Variants in SORCS3 observed in about 807,000 individuals in gnomAD.
SORCS3 encodes the protein sortilin related VPS10 domain containing receptor 3.
Under a neutral mutation model 146.3 loss-of-function variants are expected in SORCS3, and 57 were observed. The observed-to-expected ratio is 0.39, with a 90% CI of 0.31 to 0.49. SORCS3 has a LOEUF of 0.49. Ranked by LOEUF, SORCS3 falls within the 20% of genes least tolerant of loss-of-function variation. The pLI is 0.92. For synonymous variants in SORCS3, 653 were observed against 618.5 expected, an observed-to-expected ratio of 1.06 and a Z score of -0.83; for missense variants, 1,341 against 1,575.5, an observed-to-expected ratio of 0.85 and a Z score of 2.52.
intron 3 of SORCS3, among the ~76,000 whole-genome samples, chr10:104,929,250 A>G (rs7096189): frequency 0.28 from 43,029 of 152,034 alleles, 7,994 homozygotes; most frequent in African/African-American, 0.53. Context: ...CATAATGTAT[A>G]TAGAATACCT....
chr10:105,104,596 C>T (rs568786746), intron 6 of SORCS3, among the ~76,000 whole-genome samples: 1 of 152,268 alleles, frequency 6.6e-6, no homozygotes, highest in East Asian at 1.9e-4. Flanking sequence ...TGAATGCATT[C>T]TTGTTGTAAA....
intron 1 of SORCS3, among the ~76,000 whole-genome samples, chr10:104,657,030 C>T (rs2015640667): frequency 6.6e-6 from 1 of 152,184 alleles, no homozygotes; most frequent in African/African-American, 2.4e-5. Context: ...GGCCTTGTGA[C>T]TTGCTTTGGC....
chr10:104,676,595 T>C (rs1487652822), intron 1 of SORCS3, among the ~76,000 whole-genome samples: 2 of 152,174 alleles, frequency 1.3e-5, no homozygotes, highest in East Asian at 3.9e-4. Context: ...TGATAGGACA[T>C]AGGGCTAGTG....
chr10:104,910,417 G>T (rs61054269), intron 2 of SORCS3, among the ~76,000 whole-genome samples: 1 of 151,970 alleles, frequency 6.6e-6, no homozygotes, highest in East Asian at 1.9e-4. Flanking sequence ...GTTTATAATA[G>T]CAAATTAAAA....
chr10:104,839,753 A>G (rs2018115833), intron 1 of SORCS3, among the ~76,000 whole-genome samples: 1 of 152,248 alleles, frequency 6.6e-6, no homozygotes, highest in Admixed American at 6.5e-5. Flanking sequence ...TTCTCCAAGA[A>G]GCAGACGTAA....
At chr10:104,746,473 T>A (rs1388194730) in intron 1 of SORCS3, among the ~76,000 whole-genome samples, 1 of 152,258 alleles carries the variant, frequency 6.6e-6, no homozygotes, top group African/African-American at 2.4e-5. Flanking sequence ...ATAAGGCTAA[T>A]GAACAAATCC....
rs1487053774 is a variant in SORCS3, at chr10:105,091,443, G to GTTCC, written c.1093+1614_1093+1617dup. Among the ~76,000 whole-genome samples the GTTCC allele has an allele frequency of 1.7e-3, 8 of 4,604 alleles. 1 individual carries two copies. The highest frequency in any genetic ancestry group is 7.9e-3 in the African/African-American group (7 of 882). The allele number at this position is 4,604 out of a possible 152,430, so 3.0% of individuals were successfully genotyped here. On this transcript the variant is annotated intron_variant, in intron 6 of 26. Coordinates refer to ENST00000369701, the MANE Select transcript of SORCS3 (RefSeq NM_014978.3). The stretch of plus-strand genomic sequence containing the variant: ...CCTTCCCTCCTTCCTTCCTTCCTTC[G>GTTCC]TTCCTTCCTTCCTCCCTCCCTCCCT...
At chr10:104,736,834 G>A (rs1326897178) in intron 1 of SORCS3, among the ~76,000 whole-genome samples, 1 of 151,132 alleles carries the variant, frequency 6.6e-6, no homozygotes, top group East Asian at 1.9e-4. Context: ...ACAATGTGCA[G>A]GTTAGTTACA....
At chr10:105,166,392 A>G (rs1026177032) in intron 12 of SORCS3, among the ~76,000 whole-genome samples, 3 of 152,160 alleles carry the variant, frequency 2.0e-5, no homozygotes, top group Non-Finnish European at 4.4e-5. Flanking sequence ...CCCCTAGAAG[A>G]TCTACAGTCG....
intron 3 of SORCS3, among the ~76,000 whole-genome samples, chr10:104,975,846 C>A (rs1415034898): frequency 6.6e-6 from 1 of 152,204 alleles, no homozygotes; most frequent in African/African-American, 2.4e-5. Context: ...GCCGGGAAAA[C>A]CGGCTAGCCA....
At chr10:105,211,829 A>G (rs7894230) in intron 17 of SORCS3, among the ~76,000 whole-genome samples, 51,144 of 151,904 alleles carry the variant, frequency 0.34, 8,708 homozygotes, top group South Asian at 0.49. Flanking sequence ...CTGCCTCTAT[A>G]ACCAAGAACG....
intron 4 of SORCS3, among the ~76,000 whole-genome samples, chr10:104,981,037 T>TC (rs563304868): frequency 6.6e-5 from 10 of 152,080 alleles, no homozygotes; most frequent in Middle Eastern, 6.8e-3. Context: ...TGCAAAGGGG[T>TC]GGGGGGCAGA....
intron 6 of SORCS3, among the ~76,000 whole-genome samples, chr10:105,103,288 A>G (rs995007407): frequency 6.6e-6 from 1 of 152,106 alleles, no homozygotes; most frequent in African/African-American, 2.4e-5. Flanking sequence ...TTTTACTCTC[A>G]TACATAATTT....
At chr10:104,817,329 T>G (rs1209304433) in intron 1 of SORCS3, among the ~76,000 whole-genome samples, 6 of 150,294 alleles carry the variant, frequency 4.0e-5, no homozygotes, top group Non-Finnish European at 7.4e-5. Flanking sequence ...CCTTTTCTCC[T>G]CCCTTCCCTG....
At chr10:104,875,042 C>A (rs1343020450) in intron 2 of SORCS3, among the ~76,000 whole-genome samples, 1 of 152,112 alleles carries the variant, frequency 6.6e-6, no homozygotes, top group Non-Finnish European at 1.5e-5. Flanking sequence ...CATTTGAATA[C>A]ATGATGTCTT....
chr10:105,247,028 C>G (rs2056870518), intron 21 of SORCS3, among the ~76,000 whole-genome samples, 191 bp from the exon 22 acceptor site: 1 of 152,212 alleles, frequency 6.6e-6, no homozygotes, highest in Non-Finnish European at 1.5e-5. Flanking sequence ...GAGCACAAAT[C>G]TACTTTTAAT....
chr10:105,217,861 A>G (rs1177472495), intron 19 of SORCS3: 1 of 454,080 alleles, frequency 2.2e-6, no homozygotes, highest in Admixed American at 2.3e-5. Flanking sequence ...GGTCGAGGAA[A>G]TGTTGTCTTG....
At chr10:105,102,879 T>C (rs2055795928) in intron 6 of SORCS3, among the ~76,000 whole-genome samples, 1 of 139,934 alleles carries the variant, frequency 7.1e-6, no homozygotes, top group Admixed American at 8.0e-5. Flanking sequence ...AACCTCTGAC[T>C]CCCTGGTTCA....
chr10:104,839,616 T>C (rs1466805398), intron 1 of SORCS3, among the ~76,000 whole-genome samples: 1 of 152,154 alleles, frequency 6.6e-6, no homozygotes, highest in Non-Finnish European at 1.5e-5. Context: ...ATTTCATCCA[T>C]TGGCGGAGGA....
Sources: gnomAD v4.1 joint callset for allele counts (sites outside exome capture counted in the v4.1 genomes callset) on GRCh38, gnomAD v4.1.1 for gene constraint, MANE v1.5 for transcripts, NCBI Gene and HGNC (gene_info 2026-07-23, HGNC 2026-07-21) for gene names.